SORCS1: variants seen among roughly 807,000 people sequenced by gnomAD.
SORCS1 encodes sortilin related VPS10 domain containing receptor 1.
SORCS1 carries 60 observed loss-of-function variants against 146.1 expected under a neutral mutation model. The observed-to-expected ratio is 0.41, with a 90% confidence interval of 0.33 to 0.51. The LOEUF (loss-of-function observed/expected upper bound fraction) is 0.51, where lower values mean the gene tolerates loss of function less well. Ranked by LOEUF, SORCS1 falls within the 20% of genes least tolerant of loss-of-function variation. SORCS1 has a pLI of 0.21. For missense variants in SORCS1, 1,352 were observed against 1,487.6 expected (o/e 0.91, Z 1.50); for synonymous variants, 637 against 584.0 (o/e 1.09, Z -1.31).
At chr10:106,682,957 C>A (rs1852552915) in intron 10 of SORCS1, among the ~76,000 whole-genome samples, 1 of 152,198 alleles carries the variant, frequency 6.6e-6, no homozygotes, top group Non-Finnish European at 1.5e-5. Flanking sequence ...CACACATAGT[C>A]ACAGGCCATG....
At chr10:106,816,775 G>A (rs1329497019) in intron 3 of SORCS1, among the ~76,000 whole-genome samples, 1 of 152,098 alleles carries the variant, frequency 6.6e-6, no homozygotes, top group African/African-American at 2.4e-5. Context: ...ATAAAACGAA[G>A]ACTAAAATGA....
chr10:106,634,426 G>A (rs946736836), intron 18 of SORCS1, among the ~76,000 whole-genome samples: 3 of 152,188 alleles, frequency 2.0e-5, no homozygotes, highest in Admixed American at 6.5e-5. Context: ...TGTTATTTAT[G>A]TTTGATATAA....
At chr10:106,606,002 A>G (rs1846549010) in intron 23 of SORCS1, among the ~76,000 whole-genome samples, 1 of 152,186 alleles carries the variant, frequency 6.6e-6, no homozygotes, top group Non-Finnish European at 1.5e-5. Context: ...ACTGGAAGGG[A>G]AACAGCCAAT....
At chr10:107,026,610 G>A (rs1241374251) in intron 1 of SORCS1, among the ~76,000 whole-genome samples, 1 of 148,858 alleles carries the variant, frequency 6.7e-6, no homozygotes, top group African/African-American at 2.5e-5. Flanking sequence ...AGAGTGAGAT[G>A]CCATCAAAAA....
intron 2 of SORCS1, among the ~76,000 whole-genome samples, chr10:106,869,618 A>G (rs976314861): frequency 6.6e-6 from 1 of 152,218 alleles, no homozygotes; most frequent in East Asian, 1.9e-4. Flanking sequence ...TAGATGCAGA[A>G]AAGACTTTTG....
chr10:107,059,542 C>T (rs1224575188), intron 1 of SORCS1, among the ~76,000 whole-genome samples: 1 of 152,086 alleles, frequency 6.6e-6, no homozygotes, highest in Non-Finnish European at 1.5e-5. Context: ...AAACAAGAAG[C>T]CCAGATTTCC....
At chr10:107,066,668 C>T (rs1274616864) in intron 1 of SORCS1, among the ~76,000 whole-genome samples, 1 of 152,082 alleles carries the variant, frequency 6.6e-6, no homozygotes, top group Admixed American at 6.5e-5. Context: ...GTAATTTAAT[C>T]ATTTCTATTA....
intron 2 of SORCS1, among the ~76,000 whole-genome samples, chr10:106,849,819 C>T (rs1228546302): frequency 6.6e-6 from 1 of 151,686 alleles, no homozygotes; most frequent in Non-Finnish European, 1.5e-5. Context: ...GGACCCTCAG[C>T]TGCAGGTCTG....
chr10:106,878,002 A>G (rs972063243), intron 2 of SORCS1, among the ~76,000 whole-genome samples: 2 of 152,150 alleles, frequency 1.3e-5, no homozygotes, highest in African/African-American at 2.4e-5. Context: ...TCTCTCTAAC[A>G]TACTATCCAA....
intron 22 of SORCS1, among the ~76,000 whole-genome samples, chr10:106,610,838 G>A (rs1846931625): frequency 6.6e-6 from 1 of 152,194 alleles, no homozygotes; most frequent in African/African-American, 2.4e-5. Flanking sequence ...CAACACTTTG[G>A]GAGGCCGGGG....
At chr10:106,882,085 C>T (rs1029441598) in intron 2 of SORCS1, among the ~76,000 whole-genome samples, 1 of 152,174 alleles carries the variant, frequency 6.6e-6, no homozygotes, top group African/African-American at 2.4e-5. Flanking sequence ...CCCAGCTTCA[C>T]CCAAGATACC....
intron 1 of SORCS1, among the ~76,000 whole-genome samples, chr10:107,129,504 A>G (rs2134618753): frequency 6.6e-6 from 1 of 152,360 alleles, no homozygotes; most frequent in East Asian, 1.9e-4. Context: ...ACAATAACAT[A>G]ATTGCCTTTG....
At chr10:106,708,935 C>T (rs1422330310) in intron 7 of SORCS1, among the ~76,000 whole-genome samples, 1 of 152,104 alleles carries the variant, frequency 6.6e-6, no homozygotes, top group Non-Finnish European at 1.5e-5. Flanking sequence ...GTGCATCATC[C>T]TAGAGACAAT....
intron 2 of SORCS1, among the ~76,000 whole-genome samples, chr10:106,850,584 TC>T (rs761449578): frequency 3.9e-5 from 6 of 152,144 alleles, no homozygotes; most frequent in Admixed American, 1.3e-4. Context: ...CCGGAGCTGT[TC>T]CTATTCGGCC....
At chr10:106,716,057 T>G (rs952727000) in intron 6 of SORCS1, among the ~76,000 whole-genome samples, 13 of 152,196 alleles carry the variant, frequency 8.5e-5, no homozygotes, top group Admixed American at 8.5e-4. Context: ...GGCCACTTCT[T>G]TCTTTTTATA....
chr10:106,867,195 G>GT (rs1269960622), intron 2 of SORCS1, among the ~76,000 whole-genome samples: 3 of 152,144 alleles, frequency 2.0e-5, no homozygotes, highest in African/African-American at 7.2e-5. Flanking sequence ...GAGAAAAAAG[G>GT]TAGGTCACCT....
chr10:106,707,748 G>A (rs1251560985), intron 7 of SORCS1, among the ~76,000 whole-genome samples: 3 of 152,024 alleles, frequency 2.0e-5, no homozygotes, highest in Non-Finnish European at 4.4e-5. Flanking sequence ...GGGCAGGTGT[G>A]GTCTCCAGCC....
intron 18 of SORCS1, among the ~76,000 whole-genome samples, chr10:106,640,614 G>T (rs950964277): frequency 5.3e-5 from 8 of 152,178 alleles, no homozygotes; most frequent in Non-Finnish European, 8.8e-5. Context: ...AATCAGTTTT[G>T]TTGAGTTCTT....
At chr10:106,627,452 T>C (rs1848178719) in intron 19 of SORCS1, among the ~76,000 whole-genome samples, 1 of 152,252 alleles carries the variant, frequency 6.6e-6, no homozygotes, top group African/African-American at 2.4e-5. Flanking sequence ...GAGCCATTCT[T>C]GGCAAATGTG....
Sources: gnomAD v4.1 joint callset for allele counts (sites outside exome capture counted in the v4.1 genomes callset) on GRCh38, gnomAD v4.1.1 for gene constraint, MANE v1.5 for transcripts, NCBI Gene and HGNC (gene_info 2026-07-23, HGNC 2026-07-21) for gene names.